The following ARSD variants were observed in gnomAD, a reference collection of about 807,000 sequenced individuals.
ARSD encodes testis tissue sperm-binding protein Li 39a.
ARSD carries 21 observed loss-of-function variants against 32.6 expected under a neutral mutation model. The ratio of observed to expected loss-of-function variants is 0.64; its 90% CI spans 0.46 to 0.93. ARSD has a LOEUF of 0.93. Ranked by LOEUF, ARSD falls within the 40% of genes least tolerant of loss-of-function variation. The pLI, the probability that ARSD is intolerant of heterozygous loss-of-function variation, is 0.00. For synonymous variants in ARSD, 224 were observed against 237.4 expected (o/e 0.94, Z 0.52); for missense variants, 454 against 520.9 (o/e 0.87, Z 1.25).
chrX:2,908,231 T>TTATCTATCTATCTATC (rs201024911), intron 9 of ARSD, among the ~76,000 whole-genome samples: 3 of 110,037 alleles, frequency 2.7e-5, no homozygotes, highest in Admixed American at 9.6e-5. Context: ...ATTCTACTTT[T>TTATCTATCTATCTATC]TATCTATCTA....
chrX:2,905,160 T>C lies in ARSD; in HGVS notation c.*2111A>G, dbSNP rs1603460910. 1 of 307,836 alleles carries C rather than the reference T, an allele frequency of 3.2e-6. No homozygotes were observed. The highest frequency in any genetic ancestry group is 6.4e-6 in the Non-Finnish European group (1 of 156,068). 25.4% of individuals were successfully genotyped at this position (307,836 alleles called of 1,213,427 possible). A position where few individuals can be genotyped will look rare whatever the true frequency, so the allele number is the denominator to read the frequency against. ...TTCTACCTATGACTCTCAGTGCTGT[T>C]GCCTCTTCCTCTGGATCTTGGAAGC... On this transcript the variant is annotated 3_prime_UTR_variant, in exon 10 of 10. Transcript: ENST00000381154.
rs1453802640 is a variant in ARSD, at chrX:2,918,225, T to G, written c.442A>C (p.Lys148Gln). The G allele has an allele frequency of 5.2e-6, 6 of 1,148,941 alleles. No homozygotes were observed. Among genetic ancestry groups the G allele is most frequent in the Non-Finnish European group, 6.9e-6 (6 of 864,026 alleles). The allele number at this position is 1,148,941 out of a possible 1,213,427, so 94.7% of individuals were successfully genotyped here. ...GCACAATTCACACCCTGGTGCCATT[T>G]TCCTAAAAGAAACGCAAATGTTCAA... ...QHGYATGLIG[K>Q]WHQGVNCASR... Residue 148 changes from lysine (K) to glutamine (Q), a missense_variant and splice_region_variant, in exon 5 of 10, where the codon AAA becomes CAA. Around this residue, in one of 3 missense-constraint regions of ARSD, gnomAD observed 271 missense variants for 301.0 expected, o/e 0.90. Coordinates refer to ENST00000381154, the MANE Select transcript of ARSD (RefSeq NM_001669.4).
chrX:2,906,014 T>A lies in ARSD; in HGVS notation c.*1257A>T, dbSNP rs2088849253. On this transcript the variant is annotated 3_prime_UTR_variant, in exon 10 of 10. Coordinates refer to ENST00000381154, the MANE Select transcript of ARSD (RefSeq NM_001669.4). The stretch of plus-strand genomic sequence containing the variant: ...TACTGGCATAATGAGGCCAACTCTC[T>A]GCCATGCTAAGAGTGGCAGAGCTGG... 1 of 112,420 alleles carries A rather than the reference T, an allele frequency of 8.9e-6. No homozygotes were observed. The highest frequency in any genetic ancestry group is 9.4e-5 in the Admixed American group (1 of 10,678). 9.3% of individuals were successfully genotyped at this position (112,420 alleles called of 1,213,427 possible).
chrX:2,925,886 T>C, intron 1 of ARSD, 121 bp from the exon 2 acceptor site: 1 of 722,401 alleles, frequency 1.4e-6, no homozygotes, highest in Non-Finnish European at 2.0e-6. Context: ...TTCAGCTTTA[T>C]GGGAGGTTAT....
intron 2 of ARSD, among the ~76,000 whole-genome samples, chrX:2,923,882 A>G (rs1476729465): frequency 8.9e-6 from 1 of 112,167 alleles, no homozygotes; most frequent in Non-Finnish European, 1.9e-5. Flanking sequence ...CAAATGCTCT[A>G]ACATGGTTTG....
chrX:2,925,825 T>A, intron 1 of ARSD, 60 bp from the exon 2 acceptor site: 1 of 1,123,656 alleles, frequency 8.9e-7, no homozygotes, highest in Non-Finnish European at 1.2e-6. Flanking sequence ...GAAGTAGGCA[T>A]TTCAAGGCAG....
chrX:2,909,683 CAAAAA>C (rs751282477), intron 8 of ARSD, 129 bp downstream of exon 8: 538 of 287,746 alleles, frequency 1.9e-3, no homozygotes, highest in Middle Eastern at 3.6e-3. Flanking sequence ...GACTCTGTCT[CAAAAA>C]AAAAAAAAAA....
rs57996096 is a variant in ARSD at position 2,904,903 on chromosome X, CT to C, written c.*2367del. On this transcript the variant is annotated 3_prime_UTR_variant, in exon 10 of 10. Transcript: ENST00000381154. Reference sequence around the variant, plus strand: ...CGTGTCCCATGCTCCATAGATGTTTCTTTTTTTTTTTTTTTTTAATCATTTT... The same window carrying C: ...CGTGTCCCATGCTCCATAGATGTTTCTTTTTTTTTTTTTTTTAATCATTTT... 0.2 allele frequency: 36,186 copies of C among 183,631 alleles called. 950 individuals are homozygous for C. The highest frequency in any genetic ancestry group is 0.38 in the East Asian group (2,356 of 6,139). The allele number at this position is 183,631 out of a possible 1,213,427, so 15.1% of individuals were successfully genotyped here.
chrX:2,916,510 A>G (rs1205473361), intron 5 of ARSD, among the ~76,000 whole-genome samples: 3 of 111,572 alleles, frequency 2.7e-5, no homozygotes, highest in Non-Finnish European at 5.6e-5. Flanking sequence ...AAAAAAGGTT[A>G]TATCTGGTAT....
chrX:2,923,805 G>A (rs1381682305), intron 2 of ARSD, among the ~76,000 whole-genome samples: 1 of 112,487 alleles, frequency 8.9e-6, no homozygotes, highest in Non-Finnish European at 1.9e-5. Flanking sequence ...TAGGCGTTTA[G>A]GGGACACAGA....
intron 6 of ARSD, among the ~76,000 whole-genome samples, chrX:2,915,296 A>C (rs1436542300): frequency 9.0e-6 from 1 of 111,625 alleles, no homozygotes. Context: ...CTGGGACTAC[A>C]GGTGTGCACC....
chrX:2,913,839 G>C (rs2088924456), intron 6 of ARSD: 1 of 621,494 alleles, frequency 1.6e-6, no homozygotes, highest in Non-Finnish European at 2.1e-6. Flanking sequence ...TGGGGACAGA[G>C]TTCTCATGAA....
intron 6 of ARSD, among the ~76,000 whole-genome samples, chrX:2,913,185 C>A (rs778396876): frequency 8.9e-6 from 1 of 112,051 alleles, no homozygotes; most frequent in African/African-American, 3.2e-5. Context: ...AACATATTCT[C>A]ATTGGTAACT....
rs761613073 is a variant in ARSD, at chrX:2,909,868, T to C, written c.1247A>G (p.Asp416Gly). ...RVIGEPTSLM[D>G]VFPTVVQLVG... ...CAGCTGGACCACAGTAGGGAACACGTCCATCAGGCTCGTGGGCTCTCCAAT... is the reference window on the plus strand; with the variant it reads ...CAGCTGGACCACAGTAGGGAACACGCCCATCAGGCTCGTGGGCTCTCCAAT... The change falls in exon 8 of 10, where the codon GAC becomes GGC. Residue 416 changes from aspartate to glycine, a missense_variant. Physicochemically the swap from Asp to Gly is moderately conservative, Grantham distance 94. Coordinates refer to ENST00000381154, the MANE Select transcript of ARSD (RefSeq NM_001669.4). 8.3e-7 allele frequency: 1 copy of C among 1,209,533 alleles called. No individual in the cohort carries two copies. Among genetic ancestry groups the C allele is most frequent in the Non-Finnish European group, 1.1e-6 (1 of 894,829 alleles).
At chrX:2,913,318 G>A (rs756837176) in intron 6 of ARSD, among the ~76,000 whole-genome samples, 3 of 111,864 alleles carry the variant, frequency 2.7e-5, no homozygotes, top group Non-Finnish European at 3.8e-5. Context: ...GATTGTAAAT[G>A]TTTCTTATCA....
intron 2 of ARSD, among the ~76,000 whole-genome samples, chrX:2,924,125 C>T (rs1225602465): frequency 4.4e-5 from 5 of 112,511 alleles, no homozygotes; most frequent in African/African-American, 1.3e-4. Flanking sequence ...CTCCACCTCC[C>T]GGGCTCAAGC....
chrX:2,926,636 A>G (rs2089084853), intron 1 of ARSD, among the ~76,000 whole-genome samples: 1 of 111,804 alleles, frequency 8.9e-6, no homozygotes, highest in Non-Finnish European at 1.9e-5. Flanking sequence ...GTTAACTGCC[A>G]CATCGTCAAG....
chrX:2,921,614 GCT>G (rs1235153013), intron 3 of ARSD, among the ~76,000 whole-genome samples: 1 of 112,063 alleles, frequency 8.9e-6, no homozygotes, highest in African/African-American at 3.2e-5. Context: ...GGGAAACTTT[GCT>G]CTCTCTAAGA....
chrX:2,913,162 A>G (rs1409908084), intron 6 of ARSD, among the ~76,000 whole-genome samples: 1 of 112,080 alleles, frequency 8.9e-6, no homozygotes, highest in Non-Finnish European at 1.9e-5. Flanking sequence ...AACAACTGGA[A>G]GTGGGGAATT....
Sources: allele counts gnomAD v4.1 joint callset (sites outside exome capture counted in the v4.1 genomes callset), GRCh38; gene constraint gnomAD v4.1.1; regional missense constraint gnomAD v4.1.1; transcripts MANE v1.5; gene names NCBI Gene and HGNC (gene_info 2026-07-23, HGNC 2026-07-21).